The following TGFB2 variants were observed in gnomAD, a reference collection of about 807,000 sequenced individuals.
TGFB2 encodes transforming growth factor beta-2 proprotein.
In TGFB2, 13 loss-of-function variants were observed where a neutral mutation model predicts 42.7. The observed-to-expected ratio is 0.30, with a 90% CI of 0.20 to 0.48. The LOEUF (loss-of-function observed/expected upper bound fraction) is 0.48. TGFB2 is among the 20% of genes least tolerant of loss of function. TGFB2 has a pLI of 0.99. For synonymous variants in TGFB2, 193 were observed against 193.6 expected (o/e 1.00, Z 0.03); for missense variants, 390 against 517.5 (o/e 0.75, Z 2.39).
At position 218,440,149 on chromosome 1, in the gene TGFB2, A is replaced by T. The variant is rs1334468697; in HGVS notation, c.1087-1055A>T. Among the ~76,000 whole-genome samples the T allele has an allele frequency of 2.0e-5, 3 of 152,200 alleles. No homozygotes were observed. In the East Asian group the frequency reaches 5.8e-4, roughly 29 times the overall value. On this transcript the variant is annotated intron_variant, in intron 6 of 6. Transcript: ENST00000366930. ...TCTTCATTCTGTTTTCAGACTTGCC[A>T]TTAACTCCTCCAACTCAGCAACTAC...
chr1:218,378,727 C>A (rs1657842393), intron 1 of TGFB2, among the ~76,000 whole-genome samples: 1 of 151,934 alleles, frequency 6.6e-6, no homozygotes, highest in South Asian at 2.1e-4. Flanking sequence ...CCGCCTCAAC[C>A]TCCTAGAGCG....
At chr1:218,363,217 T>G in intron 1 of TGFB2, 1 of 870,612 alleles carries the variant, frequency 1.1e-6, no homozygotes, top group East Asian at 2.5e-5. Context: ...ACCTTATTTC[T>G]GGGGAAATGA....
chr1:218,414,672 G>C (rs1236227100), intron 2 of TGFB2, among the ~76,000 whole-genome samples: 1 of 152,102 alleles, frequency 6.6e-6, no homozygotes, highest in African/African-American at 2.4e-5. Flanking sequence ...CCAAAAAGTA[G>C]AATGAACAGC....
intron 1 of TGFB2, among the ~76,000 whole-genome samples, chr1:218,366,569 C>T (rs1044753440): frequency 2.0e-5 from 3 of 152,176 alleles, no homozygotes; most frequent in Non-Finnish European, 4.4e-5. Context: ...CCTCAGCCTT[C>T]TGAAGTGCAG....
intron 1 of TGFB2, among the ~76,000 whole-genome samples, chr1:218,348,767 T>A (rs1226884071): frequency 6.6e-6 from 1 of 152,224 alleles, no homozygotes; most frequent in Non-Finnish European, 1.5e-5. Context: ...GTGCATCGGT[T>A]CTACCGGTAT....
At chr1:218,359,802 G>A (rs1348642314) in intron 1 of TGFB2, among the ~76,000 whole-genome samples, 2 of 152,168 alleles carry the variant, frequency 1.3e-5, no homozygotes, top group African/African-American at 4.8e-5. Context: ...TAGGGCAGGA[G>A]CTTATTTGAT....
At chr1:218,405,102 C>T (rs750080058) in intron 1 of TGFB2, 67 bp from the exon 2 acceptor site, 19 of 1,487,100 alleles carry the variant, frequency 1.3e-5, no homozygotes, top group East Asian at 6.8e-5. Flanking sequence ...GATTATCTCA[C>T]GCTACAGTCT....
chr1:218,436,125 T>C lies in TGFB2; in HGVS notation c.910T>C (p.Leu304=). 3 of 1,613,310 alleles carry C rather than the reference T, an allele frequency of 1.9e-6. No individual in the cohort carries two copies. Among genetic ancestry groups the C allele is most frequent in the Non-Finnish European group, 2.5e-6 (3 of 1,179,730 alleles). ...GACCAACCGGCGGAAGAAGCGTGCTTTGGATGCGGCCTATTGCTTTAGGTA... is the reference window on the plus strand; with the variant it reads ...GACCAACCGGCGGAAGAAGCGTGCTCTGGATGCGGCCTATTGCTTTAGGTA... ...QQTNRRKKRA[L]DAAYCFRNVQ... The change falls in exon 5 of 7, where the codon TTG becomes CTG. Residue 304 remains leucine, a synonymous_variant. Coordinates refer to ENST00000366930, the MANE Select transcript of TGFB2 (RefSeq NM_003238.6).
rs11466391 is a variant in TGFB2, at chr1:218,392,823, T to G, written c.347-12346T>G. Among the ~76,000 whole-genome samples the G allele has an allele frequency of 3.8e-3, 576 of 152,300 alleles. 2 individuals carry two copies. The highest frequency in any genetic ancestry group is 0.014 in the African/African-American group (565 of 41,558). On this transcript the variant is annotated intron_variant, in intron 1 of 6. Coordinates refer to ENST00000366930, the MANE Select transcript of TGFB2 (RefSeq NM_003238.6). ...ATTTATTCACTCTCAAGCCATTAATTTAATGTGCTAGTAATAACAGCCCAT... is the reference window on the plus strand; with the variant it reads ...ATTTATTCACTCTCAAGCCATTAATGTAATGTGCTAGTAATAACAGCCCAT...
At chr1:218,370,395 A>T (rs1657532868) in intron 1 of TGFB2, among the ~76,000 whole-genome samples, 1 of 152,212 alleles carries the variant, frequency 6.6e-6, no homozygotes, top group Admixed American at 6.5e-5. Context: ...AAACACCAAG[A>T]AATGCTTAGT....
chr1:218,363,553 A>G (rs1657288287), intron 1 of TGFB2: 1 of 819,832 alleles, frequency 1.2e-6, no homozygotes, highest in Non-Finnish European at 1.9e-6. Context: ...AGCGATCACA[A>G]AGGTGCCTAG....
intron 1 of TGFB2, among the ~76,000 whole-genome samples, chr1:218,372,279 G>A (rs1006625849): frequency 3.3e-5 from 5 of 152,214 alleles, no homozygotes; most frequent in East Asian, 1.9e-4. Flanking sequence ...TTTGTCAACC[G>A]ACTGGAGTCT....
chr1:218,381,698 G>A (rs1342462449), intron 1 of TGFB2, among the ~76,000 whole-genome samples: 7 of 152,214 alleles, frequency 4.6e-5, no homozygotes, highest in African/African-American at 1.7e-4. Flanking sequence ...TCTATCTCTG[G>A]ACAAGCTCAA....
chr1:218,398,832 G>A (rs1454129099), intron 1 of TGFB2, among the ~76,000 whole-genome samples: 1 of 152,110 alleles, frequency 6.6e-6, no homozygotes, highest in Non-Finnish European at 1.5e-5. Context: ...CGATCTGCCT[G>A]CCTCAGCCTC....
chr1:218,405,115 T>TGGATTTGTAAGA, intron 1 of TGFB2, 54 bp from the exon 2 acceptor site: 1 of 1,525,844 alleles, frequency 6.6e-7, no homozygotes, highest in Non-Finnish European at 8.8e-7. Flanking sequence ...TACAGTCTTC[T>TGGATTTGTAAGA]CTGAAAGCAC....
chr1:218,361,164 T>A (rs191836713), intron 1 of TGFB2, among the ~76,000 whole-genome samples: 1 of 152,340 alleles, frequency 6.6e-6, no homozygotes, highest in Admixed American at 6.5e-5. Flanking sequence ...GAAAACTGAT[T>A]ATTTTAAAAC....
chr1:218,370,950 T>C (rs777706421), intron 1 of TGFB2, among the ~76,000 whole-genome samples: 2 of 152,116 alleles, frequency 1.3e-5, no homozygotes, highest in Non-Finnish European at 2.9e-5. Flanking sequence ...AATGATACAG[T>C]CTACCACAGT....
intron 1 of TGFB2, among the ~76,000 whole-genome samples, chr1:218,353,319 A>T (rs1656926513): frequency 6.6e-6 from 1 of 152,074 alleles, no homozygotes; most frequent in African/African-American, 2.4e-5. Context: ...CAGGGATGGG[A>T]TGGGGCTGGA....
chr1:218,389,754 A>G (rs182588211), intron 1 of TGFB2, among the ~76,000 whole-genome samples: 1 of 152,230 alleles, frequency 6.6e-6, no homozygotes, highest in East Asian at 1.9e-4. Context: ...AGGTATTCAG[A>G]TGCAATTGTA....
Sources: allele counts gnomAD v4.1 joint callset (sites outside exome capture counted in the v4.1 genomes callset), GRCh38; gene constraint gnomAD v4.1.1; transcripts MANE v1.5; gene names NCBI Gene and HGNC (gene_info 2026-07-23, HGNC 2026-07-21).